SNAPC1: variants seen among roughly 807,000 people sequenced by gnomAD.
The protein encoded by SNAPC1 is snRNA-activating protein complex subunit 1.
Under a neutral mutation model 50.1 loss-of-function variants are expected in SNAPC1, and 42 were observed. The ratio of observed to expected loss-of-function variants is 0.84; its 90% CI spans 0.65 to 1.08. The LOEUF is 1.08. Ranked by LOEUF, SNAPC1 falls within the 50% of genes least tolerant of loss-of-function variation. The pLI, the probability that SNAPC1 is intolerant of heterozygous loss-of-function variation, is 0.00. For synonymous variants in SNAPC1, 164 were observed against 144.2 expected (o/e 1.14, Z -0.98); for missense variants, 477 against 427.3 (o/e 1.12, Z -1.02).
intron 1 of SNAPC1, among the ~76,000 whole-genome samples, chr14:61,763,844 T>C (rs2165601): frequency 0.012 from 1,859 of 150,486 alleles, 53 homozygotes; most frequent in East Asian, 0.12. Flanking sequence ...ATCTGTAAAA[T>C]AGAGGCAATG....
At chr14:61,772,083 A>C (rs1296947309) in intron 4 of SNAPC1, among the ~76,000 whole-genome samples, 1 of 150,184 alleles carries the variant, frequency 6.7e-6, no homozygotes, top group Admixed American at 6.6e-5. Context: ...ATCTGAACCC[A>C]GTTGGTTACA....
At chr14:61,790,527 A>C (rs1001433363) in intron 8 of SNAPC1, among the ~76,000 whole-genome samples, 2 of 152,118 alleles carry the variant, frequency 1.3e-5, no homozygotes, top group African/African-American at 4.8e-5. Context: ...GTAGAGACGG[A>C]GTCTTAACCA....
At chr14:61,782,670 G>C (rs2045085056) in intron 8 of SNAPC1, among the ~76,000 whole-genome samples, 1 of 152,166 alleles carries the variant, frequency 6.6e-6, no homozygotes, top group South Asian at 2.1e-4. Flanking sequence ...AGCACTTTGA[G>C]AGGCCTAGGT....
At chr14:61,769,393 GTTT>G (rs766718835) in intron 4 of SNAPC1, among the ~76,000 whole-genome samples, 1 of 116,372 alleles carries the variant, frequency 8.6e-6, no homozygotes. Context: ...ATTTCCTGAG[GTTT>G]TTTTTTTTTT....
chr14:61,765,621 C>CTA (rs965527252), intron 1 of SNAPC1, among the ~76,000 whole-genome samples: 3 of 152,164 alleles, frequency 2.0e-5, no homozygotes, highest in African/African-American at 7.2e-5. Flanking sequence ...AGATATGCAT[C>CTA]TATCTCAGTG....
intron 4 of SNAPC1, among the ~76,000 whole-genome samples, chr14:61,770,234 CTTTTTT>C (rs72091048): frequency 7.5e-6 from 1 of 133,962 alleles, no homozygotes; most frequent in Non-Finnish European, 1.6e-5. Context: ...CCCCCATGTT[CTTTTTT>C]TTTTTTTTTT....
intron 4 of SNAPC1, among the ~76,000 whole-genome samples, chr14:61,774,131 C>T (rs1436060170): frequency 6.6e-6 from 1 of 151,570 alleles, no homozygotes; most frequent in African/African-American, 2.4e-5. Context: ...AAAGTCCATG[C>T]ACTGTCTTTT....
chr14:61,779,572 A>T (rs1367276081), intron 7 of SNAPC1, among the ~76,000 whole-genome samples: 2 of 151,430 alleles, frequency 1.3e-5, no homozygotes, highest in African/African-American at 4.8e-5. Flanking sequence ...TTATTTTTTT[A>T]AATGTATTTT....
In SNAPC1 at chr14:61,783,572, G is replaced by A. The variant is rs1193654054; in HGVS notation, c.976+1175G>A. Among the ~76,000 whole-genome samples, 3 of 122,054 alleles carry A rather than the reference G, an allele frequency of 2.5e-5. No homozygotes were observed. In the East Asian group the frequency reaches 7.6e-4, roughly 31 times the overall value. The allele number at this position is 122,054 out of a possible 152,430, so 80.1% of individuals were successfully genotyped here. A position where few individuals can be genotyped will look rare whatever the true frequency, so the allele number is the denominator to read the frequency against. ...TTTTCTTGAGACAGAGTCTTGCTGTGTTGCCCAGGCTGAAGTGCAGTGGCG... is the reference window on the plus strand; with the variant it reads ...TTTTCTTGAGACAGAGTCTTGCTGTATTGCCCAGGCTGAAGTGCAGTGGCG... On this transcript the variant is annotated intron_variant, in intron 8 of 9. Coordinates refer to ENST00000216294, the MANE Select transcript of SNAPC1 (RefSeq NM_003082.4).
Position 61,771,918 on chromosome 14 carries a change from TG to T in SNAPC1, c.534+3179del, listed in dbSNP as rs2044994043. The stretch of plus-strand genomic sequence containing the variant: ...TCATGGGGATCAGGGAACTGAGAGT[TG>T]AAAATGTTTGGAATAGCGGTTGTGG... On this transcript the variant is annotated intron_variant, in intron 4 of 9. Coordinates refer to ENST00000216294, the MANE Select transcript of SNAPC1 (RefSeq NM_003082.4). 2.0e-5 allele frequency among the ~76,000 whole-genome samples: 3 copies of T among 152,168 alleles called. No individual in the cohort carries two copies. The South Asian group carries it at 6.2e-4, about 32-fold the overall frequency.
chr14:61,778,986 T>C, intron 7 of SNAPC1, 76 bp downstream of exon 7: 1 of 807,664 alleles, frequency 1.2e-6, no homozygotes, highest in South Asian at 1.7e-5. Flanking sequence ...ATCAAAGTAG[T>C]AATACATGTA....
At chr14:61,781,442 T>A (rs967278413) in intron 7 of SNAPC1, among the ~76,000 whole-genome samples, 18 of 109,118 alleles carry the variant, frequency 1.6e-4, no homozygotes, top group African/African-American at 7.0e-4. Flanking sequence ...AAAGCAAGAC[T>A]CCATCTCCAA....
chr14:61,786,121 C>T (rs536665272), intron 8 of SNAPC1, among the ~76,000 whole-genome samples: 9 of 152,198 alleles, frequency 5.9e-5, no homozygotes, highest in African/African-American at 2.2e-4. Context: ...AGACCAATAT[C>T]CCTTATCTTA....
chr14:61,786,041 G>A (rs1228462156), intron 8 of SNAPC1, among the ~76,000 whole-genome samples: 1 of 152,096 alleles, frequency 6.6e-6, no homozygotes, highest in Non-Finnish European at 1.5e-5. Flanking sequence ...AGAAAGGAGT[G>A]ATCTAGATTC....
At chr14:61,767,410 A>C in intron 3 of SNAPC1, 58 bp downstream of exon 3, 1 of 1,106,552 alleles carries the variant, frequency 9.0e-7, no homozygotes, top group Non-Finnish European at 1.2e-6. Flanking sequence ...TTTATTGTCC[A>C]TAAAACCTCT....
At chr14:61,794,492 A>G (rs537771174) in intron 9 of SNAPC1, among the ~76,000 whole-genome samples, 65 of 152,012 alleles carry the variant, frequency 4.3e-4, no homozygotes, top group Admixed American at 2.8e-3. Context: ...TGCAACCTCC[A>G]CCTCCTGGGT....
intron 9 of SNAPC1, among the ~76,000 whole-genome samples, chr14:61,793,204 C>T (rs970393106): frequency 1.3e-5 from 2 of 152,180 alleles, no homozygotes; most frequent in African/African-American, 2.4e-5. Flanking sequence ...ACTTCTAATC[C>T]TGACTGCTGC....
chr14:61,790,046 G>A (rs1323889580), intron 8 of SNAPC1, among the ~76,000 whole-genome samples: 1 of 152,136 alleles, frequency 6.6e-6, no homozygotes, highest in African/African-American at 2.4e-5. Flanking sequence ...AGACAAGAAT[G>A]CTTAATGTCT....
rs564400454 is a variant in SNAPC1 at position 61,766,793 on chromosome 14, G to A, written c.129-83G>A. The A allele has an allele frequency of 9.2e-4, 647 of 703,432 alleles. 3 individuals carry two copies. In the African/African-American group the frequency reaches 0.01, roughly 11 times the overall value. The allele number at this position is 703,432 out of a possible 1,614,324, so 43.6% of individuals were successfully genotyped here. On this transcript the variant is annotated intron_variant, in intron 1 of 9. Transcript: ENST00000216294. ...GAATCCTCATCAAATTATAACTACC[G>A]TTTAAACAAGTATATACTTTTGGCT...
Sources: gnomAD v4.1 joint callset for allele counts (sites outside exome capture counted in the v4.1 genomes callset) on GRCh38, gnomAD v4.1.1 for gene constraint, MANE v1.5 for transcripts, NCBI Gene and HGNC (gene_info 2026-07-23, HGNC 2026-07-21) for gene names.